Variants in PRKCH observed in about 807,000 individuals in gnomAD.
The protein encoded by PRKCH is protein kinase C eta.
Under a neutral mutation model 82.5 loss-of-function variants are expected in PRKCH, and 28 were observed. The ratio of observed to expected loss-of-function variants is 0.34; its 90% CI spans 0.25 to 0.47. The LOEUF (loss-of-function observed/expected upper bound fraction) is 0.47. Among genes scored for constraint, PRKCH ranks in the 20% least tolerant of loss-of-function variants. The pLI, the probability that PRKCH is intolerant of heterozygous loss-of-function variation, is 1.00. For missense variants in PRKCH, 705 were observed against 881.8 expected (o/e 0.80, Z 2.54); for synonymous variants, 322 against 327.4 (o/e 0.98, Z 0.18).
intron 1 of PRKCH, among the ~76,000 whole-genome samples, chr14:61,283,527 T>TTTTTA (rs1566806785): frequency 6.6e-6 from 1 of 151,952 alleles, no homozygotes; most frequent in African/African-American, 2.4e-5. Context: ...AAGACACTCT[T>TTTTTA]TTTTTATTTT....
chr14:61,474,947 G>A (rs746072019), intron 9 of PRKCH, among the ~76,000 whole-genome samples: 3 of 152,176 alleles, frequency 2.0e-5, no homozygotes, highest in Non-Finnish European at 2.9e-5. Context: ...TCACCTTGAG[G>A]CAGATATGGC....
intron 1 of PRKCH, among the ~76,000 whole-genome samples, chr14:61,357,366 C>T (rs1349331352): frequency 1.3e-5 from 2 of 152,240 alleles, no homozygotes; most frequent in East Asian, 1.9e-4. Context: ...CCTCCATTTC[C>T]TGTCCTGATG....
At position 61,288,719 on chromosome 14, in the gene PRKCH, G is replaced by A. The variant is rs139667754; in HGVS notation, c.-19+101051G>A. Among the ~76,000 whole-genome samples the A allele has an allele frequency of 2.9e-4, 44 of 152,298 alleles. 1 individual carries two copies. In the East Asian group the frequency reaches 8.5e-3, roughly 29 times the overall value. ...CCAAGACTGTAGATGTTACCAGGAA[G>A]TTCACTCAGAGCAGGCTCTGATGTG... On this transcript the variant is annotated intron_variant, in intron 1 of 3. Transcript: ENST00000555185.
chr14:61,440,303 G>T (rs1418613080), intron 2 of PRKCH, among the ~76,000 whole-genome samples: 1 of 152,198 alleles, frequency 6.6e-6, no homozygotes, highest in Admixed American at 6.5e-5. Flanking sequence ...AGGATTATTG[G>T]TTATGACACT....
intron 9 of PRKCH, among the ~76,000 whole-genome samples, chr14:61,474,716 T>A (rs12884645): frequency 0.71 from 108,199 of 151,914 alleles, 38,685 homozygotes; most frequent in Middle Eastern, 0.77. Context: ...TTTAAAAAAA[T>A]TTTTTAATAG....
rs2045628674 is a variant in PRKCH, at chr14:61,321,822, G to C, written c.-280G>C. 8.9e-6 allele frequency: 3 copies of C among 338,220 alleles called. No homozygotes were observed. Among genetic ancestry groups the C allele is most frequent in the Non-Finnish European group, 5.5e-6 (1 of 181,024 alleles). The allele number at this position is 338,220 out of a possible 1,614,324, so 21.0% of individuals were successfully genotyped here. A position where few individuals can be genotyped will look rare whatever the true frequency, so the allele number is the denominator to read the frequency against. ...AGGGGCGAGTCCTGCGCGAGTCCCC[G>C]GGAGGCGCCGCGCGCTTGGAAGGGA... On this transcript the variant is annotated 5_prime_UTR_variant, in exon 1 of 14. Transcript: ENST00000332981. The surrounding 1 kb of genome is among the most constrained non-coding windows in gnomAD (Gnocchi z 4.1).
chr14:61,494,824 T>C (rs1886596307), intron 10 of PRKCH, among the ~76,000 whole-genome samples: 2 of 152,246 alleles, frequency 1.3e-5, no homozygotes, highest in Admixed American at 6.5e-5. Flanking sequence ...CCAGTCTCTA[T>C]AGTAAACTCT....
At position 61,302,019 on chromosome 14, in the gene PRKCH, A is replaced by G. The variant is rs183169915; in HGVS notation, c.-19+114351A>G. The stretch of plus-strand genomic sequence containing the variant: ...CCACTGACCTAGTTTCTATCACTAC[A>G]GAGTTTTCCCTGTTCTATTTCTTTA... On this transcript the variant is annotated intron_variant, in intron 1 of 3. Transcript: ENST00000555185. Among the ~76,000 whole-genome samples, 3 of 152,306 alleles carry G rather than the reference A, an allele frequency of 2.0e-5. No individual in the cohort carries two copies. In the East Asian group the frequency reaches 5.8e-4, roughly 29 times the overall value.
chr14:61,332,899 G>A lies in PRKCH; in HGVS notation c.363+10435G>A, dbSNP rs539315857. Among the ~76,000 whole-genome samples, 22 of 152,276 alleles carry A rather than the reference G, an allele frequency of 1.4e-4. 1 individual carries two copies. In the South Asian group the frequency reaches 4.6e-3, roughly 32 times the overall value. On this transcript the variant is annotated intron_variant, in intron 1 of 13. Coordinates refer to ENST00000332981, the MANE Select transcript of PRKCH (RefSeq NM_006255.5). ...TTTGCGTCTGTGATGTTGGAGGGCT[G>A]GGCCCCTTGAGCTCTGTGGTCCTTC...
intron 9 of PRKCH, among the ~76,000 whole-genome samples, chr14:61,473,239 G>T (rs959648095): frequency 1.3e-5 from 2 of 152,214 alleles, no homozygotes; most frequent in Non-Finnish European, 2.9e-5. Context: ...GCGGGGGTAG[G>T]GGGGTGGTGA....
intron 2 of PRKCH, among the ~76,000 whole-genome samples, chr14:61,433,604 G>A (rs1293924595): frequency 6.6e-6 from 1 of 152,092 alleles, no homozygotes; most frequent in Admixed American, 6.5e-5. Context: ...TTAAACAGAG[G>A]AGCCCTGCTT....
chr14:61,431,097 G>T (rs13379334), intron 2 of PRKCH, among the ~76,000 whole-genome samples: 4 of 152,200 alleles, frequency 2.6e-5, no homozygotes, highest in African/African-American at 9.6e-5. Context: ...GGATGAGTGG[G>T]CTCAAACTTG....
At chr14:61,438,672 A>G (rs1275848367) in intron 2 of PRKCH, among the ~76,000 whole-genome samples, 1 of 152,200 alleles carries the variant, frequency 6.6e-6, no homozygotes, top group Non-Finnish European at 1.5e-5. Flanking sequence ...CATACTCCTC[A>G]TCCACAGAAG....
intron 1 of PRKCH, among the ~76,000 whole-genome samples, chr14:61,210,048 C>T (rs183134632): frequency 1.4e-5 from 2 of 147,142 alleles, no homozygotes; most frequent in Admixed American, 6.9e-5. Flanking sequence ...ACCAGCCTGG[C>T]CAACACCGTG....
At chr14:61,192,822 G>A (rs998931054) in intron 1 of PRKCH, among the ~76,000 whole-genome samples, 1 of 152,226 alleles carries the variant, frequency 6.6e-6, no homozygotes, top group African/African-American at 2.4e-5. Flanking sequence ...TGTTGGACTT[G>A]ATGACTTTTG....
intron 2 of PRKCH, among the ~76,000 whole-genome samples, chr14:61,434,376 A>C (rs1284880684): frequency 6.6e-6 from 1 of 152,224 alleles, no homozygotes; most frequent in African/African-American, 2.4e-5. Flanking sequence ...GAAACCGAGC[A>C]GTGATGATCC....
chr14:61,213,731 A>G (rs1302852736), intron 1 of PRKCH, among the ~76,000 whole-genome samples: 1 of 152,244 alleles, frequency 6.6e-6, no homozygotes, highest in Non-Finnish European at 1.5e-5. Flanking sequence ...GGGGCCCAGC[A>G]GCTGCTCTGC....
chr14:61,543,848 G>A (rs1383385256), intron 12 of PRKCH: 1 of 152,258 alleles, frequency 6.6e-6, no homozygotes, highest in Non-Finnish European at 1.5e-5. Flanking sequence ...CCCAGCCTAG[G>A]ATGGCAAGCT....
At chr14:61,189,146 C>A (rs1012843217) in intron 1 of PRKCH, among the ~76,000 whole-genome samples, 1 of 152,178 alleles carries the variant, frequency 6.6e-6, no homozygotes, top group Non-Finnish European at 1.5e-5. Flanking sequence ...GCTCCCAGCG[C>A]CCCAGCGCCC....
Sources: gnomAD v4.1 joint callset for allele counts (sites outside exome capture counted in the v4.1 genomes callset) on GRCh38, gnomAD v4.1.1 for gene constraint, Gnocchi (gnomAD v3.1) non-coding constraint, MANE v1.5 for transcripts, NCBI Gene and HGNC (gene_info 2026-07-23, HGNC 2026-07-21) for gene names.